PTK2: variants seen among roughly 807,000 people sequenced by gnomAD.
The protein encoded by PTK2 is focal adhesion kinase 1.
In PTK2, 45 loss-of-function variants were observed where a neutral mutation model predicts 150.1. That is an observed-to-expected ratio of 0.30 (90% CI 0.24 to 0.38). The LOEUF (loss-of-function observed/expected upper bound fraction) is 0.38, where lower values mean the gene tolerates loss of function less well. Ranked by LOEUF, PTK2 falls within the 10% of genes least tolerant of loss-of-function variation. The pLI is 1.00. For synonymous variants in PTK2, 432 were observed against 449.2 expected, an observed-to-expected ratio of 0.96 and a Z score of 0.48; for missense variants, 919 against 1,307.3, an observed-to-expected ratio of 0.70 and a Z score of 4.58.
At chr8:140,832,856 C>T in intron 7 of PTK2, 1 of 518,860 alleles carries the variant, frequency 1.9e-6, no homozygotes, top group Non-Finnish European at 3.8e-6. Flanking sequence ...GTAGGGATTT[C>T]AAGAAGGCAA....
At chr8:140,690,411 G>A (rs1009114490) in intron 26 of PTK2, among the ~76,000 whole-genome samples, 1 of 152,068 alleles carries the variant, frequency 6.6e-6, no homozygotes, top group Non-Finnish European at 1.5e-5. Flanking sequence ...ATACATGCAC[G>A]CCACCACGCC....
chr8:140,677,975 G>T (rs2100014822), intron 27 of PTK2, among the ~76,000 whole-genome samples: 1 of 147,002 alleles, frequency 6.8e-6, no homozygotes, highest in African/African-American at 2.4e-5. Context: ...TGTTCTGTTA[G>T]GAGAAGCTGT....
At chr8:140,960,330 T>A (rs1474791560) in intron 1 of PTK2, among the ~76,000 whole-genome samples, 1 of 148,652 alleles carries the variant, frequency 6.7e-6, no homozygotes, top group Non-Finnish European at 1.5e-5. Flanking sequence ...CCCAAGTAGC[T>A]GGCATGCGCT....
At chr8:140,818,014 G>C (rs1367996114) in intron 10 of PTK2, among the ~76,000 whole-genome samples, 1 of 152,014 alleles carries the variant, frequency 6.6e-6, no homozygotes, top group Admixed American at 6.6e-5. Context: ...AACTTCTCCA[G>C]ATAAACAGTA....
chr8:140,809,227 A>G (rs1029250154), intron 10 of PTK2, among the ~76,000 whole-genome samples: 5 of 152,228 alleles, frequency 3.3e-5, no homozygotes, highest in Non-Finnish European at 7.3e-5. Context: ...CTACAAAAAC[A>G]GAATGAAGAA....
At chr8:140,671,596 G>A (rs1350579652) in intron 29 of PTK2, among the ~76,000 whole-genome samples, 1 of 152,000 alleles carries the variant, frequency 6.6e-6, no homozygotes, top group Non-Finnish European at 1.5e-5. Context: ...TGAAGAAACA[G>A]AGGTGTATAT....
chr8:140,873,685 C>T (rs1156323560), intron 4 of PTK2, among the ~76,000 whole-genome samples: 1 of 152,072 alleles, frequency 6.6e-6, no homozygotes, highest in South Asian at 2.1e-4. Context: ...AGGCTGGTCT[C>T]GAACTCTTGA....
In PTK2 at chr8:140,669,301, G is replaced by GTATATATATATATATATA. The variant is rs35271369; in HGVS notation, c.2710-895_2710-878dup. 1.1e-3 allele frequency: 111 copies of GTATATATATATATATATA among 97,972 alleles called. 1 individual carries two copies. The highest frequency in any genetic ancestry group is 1.4e-3 in the Non-Finnish European group (73 of 51,900). 6.1% of individuals were successfully genotyped at this position (97,972 alleles called of 1,614,324 possible). A position where few individuals can be genotyped will look rare whatever the true frequency, so the allele number is the denominator to read the frequency against. On this transcript the variant is annotated intron_variant, in intron 29 of 31. Coordinates refer to ENST00000522684, the Ensembl canonical transcript of PTK2. Reference sequence around the variant, plus strand: ...GTTAGAATTACACCAGCATAAAATGGTATATATATATATATATATATATAT... The same window carrying GTATATATATATATATATA: ...GTTAGAATTACACCAGCATAAAATGGTATATATATATATATATATATATATATATATATATATATATAT...
intron 1 of PTK2, among the ~76,000 whole-genome samples, chr8:140,992,302 A>G (rs1240460083): frequency 1.3e-5 from 2 of 150,718 alleles, no homozygotes; most frequent in African/African-American, 2.4e-5. Context: ...GGAAAAAAAA[A>G]AAAAAAAAAA....
At chr8:140,681,602 A>C (rs368508704) in intron 27 of PTK2, among the ~76,000 whole-genome samples, 533 of 151,996 alleles carry the variant, frequency 3.5e-3, no homozygotes, top group East Asian at 0.013. Flanking sequence ...ACAGTGAAAC[A>C]CCGTCTCTAC....
chr8:140,890,829 T>G (rs2100153985), intron 2 of PTK2, 60 bp from the exon 3 acceptor site: 2 of 1,399,360 alleles, frequency 1.4e-6, no homozygotes, highest in East Asian at 2.3e-5. Context: ...AATTACAATG[T>G]GATATGTTGT....
At chr8:140,815,940 T>A (rs1250521147) in intron 10 of PTK2, among the ~76,000 whole-genome samples, 1 of 152,148 alleles carries the variant, frequency 6.6e-6, no homozygotes, top group African/African-American at 2.4e-5. Context: ...CACTTTTAAT[T>A]GATAAATTAA....
At chr8:140,892,266 T>A (rs557465536) in intron 2 of PTK2, among the ~76,000 whole-genome samples, 1 of 152,194 alleles carries the variant, frequency 6.6e-6, no homozygotes, top group South Asian at 2.1e-4. Flanking sequence ...CAGGCATAGA[T>A]GCTCATGCCT....
chr8:140,979,940 T>C (rs1311568894), intron 1 of PTK2, among the ~76,000 whole-genome samples: 1 of 152,194 alleles, frequency 6.6e-6, no homozygotes. Context: ...TATGTCTTTA[T>C]CAGTAGCGTG....
rs961203893 is a variant in PTK2 at position 140,690,907 on chromosome 8, C to T, written c.2500-4213G>A. Among the ~76,000 whole-genome samples the T allele has an allele frequency of 2.0e-5, 3 of 152,180 alleles. No individual in the cohort carries two copies. The East Asian group carries it at 5.8e-4, about 29-fold the overall frequency. On this transcript the variant is annotated intron_variant, in intron 26 of 31. Coordinates refer to ENST00000522684, the Ensembl canonical transcript of PTK2. ...GGTTCTAATGAGGATCCAGTCCTTA[C>T]AAGCTGTGTGACCTGGGCCTCAATT...
At chr8:140,682,933 C>T (rs903445351) in intron 27 of PTK2, among the ~76,000 whole-genome samples, 1 of 152,028 alleles carries the variant, frequency 6.6e-6, no homozygotes, top group Non-Finnish European at 1.5e-5. Flanking sequence ...TGACATCACA[C>T]CTTGAGTAAC....
chr8:140,693,293 C>A (rs2100024281), intron 26 of PTK2, among the ~76,000 whole-genome samples: 1 of 151,940 alleles, frequency 6.6e-6, no homozygotes, highest in Non-Finnish European at 1.5e-5. Flanking sequence ...GTGACTCACG[C>A]CTGTAATCCC....
At chr8:140,909,737 GGCC>G (rs1276863625) in intron 2 of PTK2, 1 of 152,130 alleles carries the variant, frequency 6.6e-6, no homozygotes, top group Non-Finnish European at 1.5e-5. Flanking sequence ...AATTTTCTAA[GGCC>G]AAGAAAAGGG....
intron 22 of PTK2, chr8:140,718,500 GA>G (rs777711321): frequency 2.0e-5 from 3 of 152,190 alleles, no homozygotes; most frequent in Non-Finnish European, 4.4e-5. Context: ...CAGACAGTTT[GA>G]AACCCTCGTC....
Sources: allele counts gnomAD v4.1 joint callset (sites outside exome capture counted in the v4.1 genomes callset), GRCh38; gene constraint gnomAD v4.1.1; transcripts MANE v1.5; gene names NCBI Gene and HGNC (gene_info 2026-07-23, HGNC 2026-07-21).